The following SRGAP2 variants were observed in gnomAD, a reference collection of about 807,000 sequenced individuals.
SRGAP2 encodes SLIT-ROBO Rho GTPase activating protein 2, also known as SLIT-ROBO Rho GTPase-activating protein 2.
A neutral mutation model predicts 57.2 loss-of-function variants in SRGAP2; 15 were observed. The observed-to-expected ratio is 0.26, with a 90% CI of 0.18 to 0.40. The LOEUF (loss-of-function observed/expected upper bound fraction) is 0.40, where lower values mean the gene tolerates loss of function less well. Among genes scored for constraint, SRGAP2 ranks in the 10% least tolerant of loss-of-function variants. SRGAP2 has a pLI of 1.00. For synonymous variants in SRGAP2, 249 were observed against 248.0 expected (o/e 1.00, Z -0.04); for missense variants, 520 against 669.6 (o/e 0.78, Z 2.47).
intron 21 of SRGAP2, chr1:206,455,237 GC>G (rs1663728266): frequency 1.7e-6 from 1 of 598,632 alleles, no homozygotes; most frequent in Non-Finnish European, 3.0e-6. Context: ...CCAGCTAGCT[GC>G]CCTCGTGCTG....
intron 2 of SRGAP2, among the ~76,000 whole-genome samples, chr1:206,273,932 AT>A (rs1301091910): frequency 1.6e-4 from 23 of 142,004 alleles, no homozygotes; most frequent in East Asian, 6.2e-4. Context: ...AATTTCTTGG[AT>A]TTTTTTTTTC....
At chr1:206,401,112 A>C (rs1658108822) in intron 7 of SRGAP2, among the ~76,000 whole-genome samples, 1 of 152,248 alleles carries the variant, frequency 6.6e-6, no homozygotes, top group Non-Finnish European at 1.5e-5. Flanking sequence ...AAAATGAAAG[A>C]GGATTCTCTT....
At chr1:206,364,342 G>A (rs1316675756) in intron 4 of SRGAP2, among the ~76,000 whole-genome samples, 7 of 102,064 alleles carry the variant, frequency 6.9e-5, no homozygotes, top group Admixed American at 2.6e-4. Flanking sequence ...TGCTCTTGTT[G>A]CCCAGGCTGG....
At chr1:206,309,878 A>G (rs1553323446) in intron 3 of SRGAP2, among the ~76,000 whole-genome samples, 1 of 151,224 alleles carries the variant, frequency 6.6e-6, no homozygotes, top group Non-Finnish European at 1.5e-5. Context: ...CCAGGACCCC[A>G]GGCTTAGACA....
At chr1:206,266,374 G>A (rs1205767736) in intron 2 of SRGAP2, among the ~76,000 whole-genome samples, 1 of 152,038 alleles carries the variant, frequency 6.6e-6, no homozygotes, top group Non-Finnish European at 1.5e-5. Flanking sequence ...CTCTCAAGTA[G>A]CTAGGATTAC....
rs1232838151 is a variant in SRGAP2 at position 206,373,661 on chromosome 1, GGAGGCGGAGGTTGCAGT to G, written c.424-10349_424-10333del. The stretch of plus-strand genomic sequence containing the variant: ...GAGGCAGGGGAATCACTTGAACCCA[GGAGGCGGAGGTTGCAGT>G]GAGCCGAGATGGCGCCACTGCACTC... On this transcript the variant is annotated intron_variant, in intron 4 of 22. Coordinates refer to ENST00000573034, the MANE Select transcript of SRGAP2 (RefSeq NM_015326.5). Among the ~76,000 whole-genome samples, 3 of 51,634 alleles carry G rather than the reference GGAGGCGGAGGTTGCAGT, an allele frequency of 5.8e-5. No homozygotes were observed. In the Admixed American group the frequency reaches 6.4e-4, roughly 11 times the overall value. 33.9% of individuals were successfully genotyped at this position (51,634 alleles called of 152,430 possible).
intron 2 of SRGAP2, among the ~76,000 whole-genome samples, chr1:206,249,485 A>G: frequency 2.0e-5 from 3 of 151,956 alleles, no homozygotes; most frequent in Middle Eastern, 6.8e-3. Context: ...CAGCAAACTA[A>G]CACAGGAACA....
intron 4 of SRGAP2, among the ~76,000 whole-genome samples, chr1:206,355,226 A>G (rs1312202453): frequency 6.6e-6 from 1 of 152,250 alleles, no homozygotes; most frequent in Non-Finnish European, 1.5e-5. Context: ...AGGCCAAGCC[A>G]GATGTCCTGC....
chr1:206,397,767 C>G (rs1303734921), intron 7 of SRGAP2, among the ~76,000 whole-genome samples: 108 of 139,310 alleles, frequency 7.8e-4, no homozygotes, highest in Admixed American at 7.5e-3. Context: ...GAATGAAGAA[C>G]AGGGCATTGT....
intron 11 of SRGAP2, 90 bp downstream of exon 11, chr1:206,416,063 G>T (rs971308939): frequency 3.0e-6 from 2 of 663,968 alleles, no homozygotes; most frequent in Non-Finnish European, 5.5e-6. Flanking sequence ...CAGCCAAGTG[G>T]ACCCGATCTT....
At chr1:206,303,122 C>T (rs1447284726) in intron 2 of SRGAP2, among the ~76,000 whole-genome samples, 159 bp from the exon 3 acceptor site, 16 of 134,990 alleles carry the variant, frequency 1.2e-4, no homozygotes, top group Middle Eastern at 3.6e-3. Context: ...GGAGGTGCCT[C>T]ACATCCTATG....
intron 2 of SRGAP2, among the ~76,000 whole-genome samples, chr1:206,239,634 T>C (rs1668087102): frequency 6.9e-6 from 1 of 143,914 alleles, no homozygotes; most frequent in African/African-American, 2.6e-5. Flanking sequence ...ATTTTTATAT[T>C]TTTAGTAGAG....
Position 206,327,835 on chromosome 1 carries a change from T to G in SRGAP2, c.261-15011T>G, listed in dbSNP as rs1317611192. ...TTTTTTTTTTTTAATACTTTAAGTTTTAGGGTACATGTGCACATTGTGCAG... is the reference window on the plus strand; with the variant it reads ...TTTTTTTTTTTTAATACTTTAAGTTGTAGGGTACATGTGCACATTGTGCAG... On this transcript the variant is annotated intron_variant, in intron 3 of 22. Transcript: ENST00000573034. Among the ~76,000 whole-genome samples, 12 of 107,374 alleles carry G rather than the reference T, an allele frequency of 1.1e-4. 1 individual carries two copies. The highest frequency in any genetic ancestry group is 5.6e-4 in the African/African-American group (11 of 19,664). The allele number at this position is 107,374 out of a possible 152,430, so 70.4% of individuals were successfully genotyped here.
At chr1:206,438,895 T>A (rs1553370949) in intron 16 of SRGAP2, among the ~76,000 whole-genome samples, 1 of 152,198 alleles carries the variant, frequency 6.6e-6, no homozygotes, top group African/African-American at 2.4e-5. Context: ...CTGCCCTGAG[T>A]ACTTGTCCCT....
chr1:206,451,647 G>A (rs782130792), intron 19 of SRGAP2, among the ~76,000 whole-genome samples: 11 of 152,226 alleles, frequency 7.2e-5, no homozygotes, highest in Admixed American at 2.0e-4. Context: ...TGCTACATTC[G>A]AGGAGGGGAG....
At position 206,462,778 on chromosome 1, in the gene SRGAP2, T is replaced by G. The variant is rs1279117932; in HGVS notation, c.*1358T>G. 1 of 152,228 alleles carries G rather than the reference T, an allele frequency of 6.6e-6. No homozygotes were observed. The highest frequency in any genetic ancestry group is 1.5e-5 in the Non-Finnish European group (1 of 68,046). 9.4% of individuals were successfully genotyped at this position (152,228 alleles called of 1,614,324 possible). On this transcript the variant is annotated 3_prime_UTR_variant, in exon 23 of 23. Coordinates refer to ENST00000573034, the MANE Select transcript of SRGAP2 (RefSeq NM_015326.5). ...ATTCTGGCTCTACTCTGGCCTTTTT[T>G]CTGGTTCCCTTCCAAAATGCACAAA...
At chr1:206,421,519 G>A (rs1026604494) in intron 13 of SRGAP2, among the ~76,000 whole-genome samples, 2 of 152,182 alleles carry the variant, frequency 1.3e-5, no homozygotes, top group African/African-American at 2.4e-5. Flanking sequence ...CATACTAGGG[G>A]TTTGGTTTCA....
chr1:206,424,055 A>G (rs1660579317), intron 13 of SRGAP2, among the ~76,000 whole-genome samples: 1 of 150,478 alleles, frequency 6.6e-6, no homozygotes, highest in South Asian at 2.1e-4. Context: ...GGCCTCCCAA[A>G]GTGCTGGGAT....
intron 14 of SRGAP2, among the ~76,000 whole-genome samples, chr1:206,433,878 T>A (rs541514186): frequency 1.3e-5 from 2 of 152,318 alleles, no homozygotes; most frequent in Admixed American, 6.5e-5. Context: ...CAAATATGGA[T>A]TAGCAATTCT....
Sources: gnomAD v4.1 joint callset for allele counts (sites outside exome capture counted in the v4.1 genomes callset) on GRCh38, gnomAD v4.1.1 for gene constraint, MANE v1.5 for transcripts, NCBI Gene and HGNC (gene_info 2026-07-23, HGNC 2026-07-21) for gene names.